GEMIN5: variants seen among roughly 807,000 people sequenced by gnomAD.
GEMIN5 encodes the protein gem nuclear organelle associated protein 5.
Under a neutral mutation model 176.9 loss-of-function variants are expected in GEMIN5, and 124 were observed. The observed-to-expected ratio is 0.70, with a 90% CI of 0.61 to 0.81. The LOEUF (loss-of-function observed/expected upper bound fraction) is 0.81, where lower values mean the gene tolerates loss of function less well. GEMIN5 is among the 40% of genes least tolerant of loss of function. The probability of loss-of-function intolerance (pLI) is 0.00; values close to 1 mark genes in which losing one functional copy is unlikely to be tolerated. For missense variants in GEMIN5, 1,843 were observed against 1,814.6 expected (o/e 1.02, Z -0.28); for synonymous variants, 673 against 665.2 (o/e 1.01, Z -0.18).
chr5:154,899,278 C>T lies in GEMIN5; in HGVS notation c.3047G>A (p.Arg1016His), dbSNP rs200055716. Residue 1016 changes from arginine to histidine, a missense_variant, in exon 22 of 28, where the codon CGC becomes CAC. Transcript: ENST00000285873. ...GTCCTTCAGGACTGGGTCCTCCGGG[C>T]GCAGCCGGGCCTTGGCAATCGCAAT... The part of the protein sequence containing the change: ...EAIAIAKARL[R>H]PEDPVLKDLY... 8.2e-5 allele frequency: 132 copies of T among 1,611,908 alleles called. No individual in the cohort carries two copies. Among genetic ancestry groups the T allele is most frequent in the African/African-American group, 9.3e-5 (7 of 74,870 alleles).
chr5:154,926,162 A>G, intron 7 of GEMIN5, 88 bp from the exon 8 acceptor site: 1 of 774,144 alleles, frequency 1.3e-6, no homozygotes, highest in South Asian at 1.6e-5. Flanking sequence ...GATAGGCTCA[A>G]AGACTGGGTA....
chr5:154,912,838 GAAGA>G (rs1763730803), intron 14 of GEMIN5, 57 bp downstream of exon 14: 4 of 1,423,722 alleles, frequency 2.8e-6, no homozygotes, highest in Non-Finnish European at 3.8e-6. Context: ...TGGGGGAAAA[GAAGA>G]AAGAATTTGT....
chr5:154,893,077 T>C (rs1763271838), intron 24 of GEMIN5, among the ~76,000 whole-genome samples: 1 of 151,332 alleles, frequency 6.6e-6, no homozygotes, highest in African/African-American at 2.4e-5. Flanking sequence ...AGTCTGAGCA[T>C]GAGAGTGAGA....
In GEMIN5 at chr5:154,924,484, T is replaced by TC. The variant is rs1038885949; in HGVS notation, c.1363dup (p.Asp455GlyfsTer12). 4.4e-6 allele frequency: 7 copies of TC among 1,608,626 alleles called. No individual in the cohort carries two copies. The highest frequency in any genetic ancestry group is 6.0e-6 in the Non-Finnish European group (7 of 1,175,088). On this transcript the variant is annotated frameshift_variant, in exon 9 of 28. Coordinates refer to ENST00000285873, the MANE Select transcript of GEMIN5 (RefSeq NM_015465.5). LOFTEE classifies it high-confidence loss of function. ...CATTTCTTACTTGTTGGAGTAGGTG[T>TC]CATACAATCCCACTTTTCCATCATC... is the stretch of plus-strand genomic sequence containing the variant.
intron 24 of GEMIN5, 111 bp downstream of exon 24, chr5:154,895,981 T>G: frequency 7.6e-7 from 1 of 1,319,984 alleles, no homozygotes; most frequent in South Asian, 1.4e-5. Flanking sequence ...TGCCTTAGCC[T>G]TTTCTGAAAC....
At chr5:154,895,822 CG>C (rs1160746589) in intron 24 of GEMIN5, among the ~76,000 whole-genome samples, 1 of 151,912 alleles carries the variant, frequency 6.6e-6, no homozygotes, top group African/African-American at 2.4e-5. Flanking sequence ...TGGGAGGTGG[CG>C]GCTGCAGTGA....
At chr5:154,913,739 C>G (rs1354025717) in intron 13 of GEMIN5, among the ~76,000 whole-genome samples, 1 of 152,054 alleles carries the variant, frequency 6.6e-6, no homozygotes, top group East Asian at 1.9e-4. Context: ...ACTGCTTGAG[C>G]CTGGGAGGCA....
At chr5:154,900,302 T>C (rs1190556896) in intron 21 of GEMIN5, among the ~76,000 whole-genome samples, 1 of 152,190 alleles carries the variant, frequency 6.6e-6, no homozygotes, top group Non-Finnish European at 1.5e-5. Context: ...CATAAAGTTG[T>C]AGCTGGGAAA....
intron 9 of GEMIN5, among the ~76,000 whole-genome samples, chr5:154,923,024 A>G (rs1396979186): frequency 6.6e-6 from 1 of 152,126 alleles, no homozygotes; most frequent in East Asian, 1.9e-4. Flanking sequence ...TTGAGAGTTA[A>G]AAAAGGAGAA....
At chr5:154,919,749 T>C (rs1032907789) in intron 11 of GEMIN5, among the ~76,000 whole-genome samples, 3 of 152,198 alleles carry the variant, frequency 2.0e-5, no homozygotes, top group Admixed American at 6.5e-5. Flanking sequence ...TTTTGCCTCA[T>C]ACTCACTGTC....
rs1310933895 is a variant in GEMIN5, at chr5:154,911,911, G to C, written c.1996-13C>G. The C allele has an allele frequency of 3.7e-6, 6 of 1,607,366 alleles. No individual in the cohort carries two copies. Among genetic ancestry groups the C allele is most frequent in the Non-Finnish European group, 5.1e-6 (6 of 1,177,072 alleles). ...GAGCATCCCACACCTAAACCCAAAA[G>C]CACATGGCCGAAAAGACATTTTCTG... On this transcript the variant is annotated splice_polypyrimidine_tract_variant and intron_variant, in intron 14 of 27. Transcript: ENST00000285873.
rs145852757 is a variant in GEMIN5, at chr5:154,903,114, G to A, written c.2694C>T (p.Asp898=). ...CAATCATTCTATACAGGGTAGCCCT[G>A]TCTGTGAAAAGCCCCAGATGAAATC... ...EERFHLGLFT[D]RATLYRMIDI... Residue 898 remains aspartate (D), a synonymous_variant, in exon 19 of 28, where the codon GAC becomes GAT. Transcript: ENST00000285873. 76 of 1,609,908 alleles carry A rather than the reference G, an allele frequency of 4.7e-5. No homozygotes were observed. The African/African-American group carries it at 8.9e-4, about 19-fold the overall frequency.
intron 13 of GEMIN5, among the ~76,000 whole-genome samples, chr5:154,914,475 A>G (rs1304983057): frequency 1.3e-5 from 2 of 151,836 alleles, no homozygotes; most frequent in Non-Finnish European, 2.9e-5. Context: ...CAACTGACAC[A>G]ACTAGAATAT....
chr5:154,931,369 T>G, intron 5 of GEMIN5, 89 bp downstream of exon 5: 1 of 1,325,230 alleles, frequency 7.5e-7, no homozygotes, highest in South Asian at 1.6e-5. Context: ...CTCAAATAGA[T>G]GACACACCCT....
At chr5:154,912,703 T>C (rs1444276826) in intron 14 of GEMIN5, among the ~76,000 whole-genome samples, 196 bp downstream of exon 14, 1 of 144,734 alleles carries the variant, frequency 6.9e-6, no homozygotes, top group Non-Finnish European at 1.5e-5. Context: ...TTCATCTAAG[T>C]AACAAAAAAA....
intron 5 of GEMIN5, 83 bp from the exon 6 acceptor site, chr5:154,928,742 T>A: frequency 6.4e-6 from 8 of 1,250,580 alleles, no homozygotes; most frequent in Non-Finnish European, 9.2e-6. Flanking sequence ...TAACACACAG[T>A]CTGCGCTGTA....
intron 24 of GEMIN5, 26 bp downstream of exon 24, chr5:154,896,066 G>A: frequency 6.2e-7 from 1 of 1,609,146 alleles, no homozygotes; most frequent in South Asian, 1.1e-5. Context: ...AGTGATTAAT[G>A]TCAAATGCTG....
At chr5:154,898,829 A>C (rs1460358000) in intron 22 of GEMIN5, among the ~76,000 whole-genome samples, 179 bp from the exon 23 acceptor site, 3 of 152,142 alleles carry the variant, frequency 2.0e-5, no homozygotes, top group Non-Finnish European at 4.4e-5. Flanking sequence ...AGCAGAGTGT[A>C]TGAGAAACAA....
chr5:154,936,451 T>G (rs1001215850), intron 2 of GEMIN5, among the ~76,000 whole-genome samples: 24 of 151,858 alleles, frequency 1.6e-4, no homozygotes, highest in African/African-American at 5.6e-4. Context: ...TACTTATTAG[T>G]AGTACTTCTA....
Sources: gnomAD v4.1 joint callset for allele counts (sites outside exome capture counted in the v4.1 genomes callset) on GRCh38, gnomAD v4.1.1 for gene constraint, MANE v1.5 for transcripts, NCBI Gene and HGNC (gene_info 2026-07-23, HGNC 2026-07-21) for gene names.